RANGAP1: variants seen among roughly 807,000 people sequenced by gnomAD.
The protein encoded by RANGAP1 is Ran GTPase activating protein 1.
RANGAP1 carries 38 observed loss-of-function variants against 63.5 expected under a neutral mutation model. The observed-to-expected ratio is 0.60, with a 90% CI of 0.46 to 0.78. The LOEUF (loss-of-function observed/expected upper bound fraction) is 0.78. RANGAP1 is among the 30% of genes least tolerant of loss of function. The probability of loss-of-function intolerance (pLI) is 0.00; values close to 1 mark genes in which losing one functional copy is unlikely to be tolerated. For missense variants in RANGAP1, 630 were observed against 740.3 expected (o/e 0.85, Z 1.73); for synonymous variants, 329 against 310.5 (o/e 1.06, Z -0.63).
chr22:41,270,436 C>G (rs2034736764), intron 3 of RANGAP1, among the ~76,000 whole-genome samples: 1 of 152,198 alleles, frequency 6.6e-6, no homozygotes, highest in South Asian at 2.1e-4. Context: ...TGAGAGCCAC[C>G]ATGCCCAGCC....
intron 5 of RANGAP1, among the ~76,000 whole-genome samples, chr22:41,263,984 C>T (rs1462038802): frequency 6.6e-6 from 1 of 152,258 alleles, no homozygotes; most frequent in Non-Finnish European, 1.5e-5. Context: ...TAAGGTATTG[C>T]ATATTCAAAT....
chr22:41,252,953 G>A lies in RANGAP1; in HGVS notation c.1299C>T (p.Asp433=), dbSNP rs145401782. ...APVLSSPPPA[D]VSTFLAFPSP... The stretch of plus-strand genomic sequence containing the variant: ...AGGGAAAAGCCAGGAAGGTGGAGAC[G>A]TCTGCAGGAGGTGGGGAGGACAGCA... The change falls in exon 12 of 16, where the codon GAC becomes GAT. Residue 433 remains aspartate, a synonymous_variant. Transcript: ENST00000356244. 7 of 1,543,772 alleles carry A rather than the reference G, an allele frequency of 4.5e-6. No individual in the cohort carries two copies. The highest frequency in any genetic ancestry group is 2.9e-5 in the African/African-American group (2 of 70,008).
chr22:41,252,215 T>C (rs1396580440), intron 12 of RANGAP1, among the ~76,000 whole-genome samples: 1 of 151,886 alleles, frequency 6.6e-6, no homozygotes, highest in Non-Finnish European at 1.5e-5. Context: ...GGCAGGAGAA[T>C]TGCTTGAACC....
Position 41,256,096 on chromosome 22 carries a change from AG to A in RANGAP1, c.997del (p.Leu333TrpfsTer117). ...LEKLDLNGNT[L>X]GEEGCEQLQE... ...AAGCTGTTCACAGCCTTCTTCTCCC[AG>A]GGTGTTGCCTGCTCAAGGGGAGGGA... On this transcript the variant is annotated frameshift_variant, in exon 10 of 16. Transcript: ENST00000356244. LOFTEE classifies it high-confidence loss of function. 1.2e-6 allele frequency: 2 copies of A among 1,614,098 alleles called. No homozygotes were observed. Among genetic ancestry groups the A allele is most frequent in the Non-Finnish European group, 1.7e-6 (2 of 1,180,020 alleles).
intron 15 of RANGAP1, 97 bp from the exon 16 acceptor site, chr22:41,246,769 T>A: frequency 8.6e-7 from 1 of 1,160,082 alleles, no homozygotes; most frequent in South Asian, 1.3e-5. Context: ...TTTGTTAATT[T>A]GCACAACGAC....
upstream of RANGAP1, among the ~76,000 whole-genome samples, chr22:41,286,414 G>A (rs866297556): frequency 5.9e-5 from 9 of 152,230 alleles, no homozygotes; most frequent in African/African-American, 2.2e-4. Flanking sequence ...GCCCTCCCCT[G>A]GTGGCTTCTG....
chr22:41,302,268 G>A, the RANGAP1 span, among the ~76,000 whole-genome samples: 1 of 151,808 alleles, frequency 6.6e-6, no homozygotes, highest in South Asian at 2.1e-4. The surrounding 1 kb of genome is among the most constrained non-coding windows in gnomAD (Gnocchi z 5.7). Flanking sequence ...GAGGGGCCGC[G>A]GCGAGGGCCG....
At position 41,256,725 on chromosome 22, in the gene RANGAP1, G is replaced by A; in HGVS notation, c.874C>T (p.Leu292=). Reference sequence around the variant, plus strand: ...CAGGCTGGCACCTTTAGCTTGGGCAGGCCGCCGCGGATGGCATCTGCAATG... The same window carrying A: ...CAGGCTGGCACCTTTAGCTTGGGCAAGCCGCCGCGGATGGCATCTGCAATG... ...VAIADAIRGG[L]PKLKELNLSF... is the part of the protein sequence containing the mutation. The change falls in exon 8 of 16, where the codon CTG becomes TTG. Residue 292 remains leucine (L), a synonymous_variant. Transcript: ENST00000356244. The A allele has an allele frequency of 6.2e-7, 1 of 1,613,914 alleles. No individual in the cohort carries two copies. The highest frequency in any genetic ancestry group is 8.5e-7 in the Non-Finnish European group (1 of 1,179,992).
upstream of RANGAP1, among the ~76,000 whole-genome samples, chr22:41,290,456 C>T (rs8142351): frequency 6.6e-6 from 1 of 152,092 alleles, no homozygotes; most frequent in Non-Finnish European, 1.5e-5. Context: ...TCTCAAACTC[C>T]TGACTCAGGT....
intron 6 of RANGAP1, 113 bp from the exon 7 acceptor site, chr22:41,258,219 C>T: frequency 8.2e-7 from 1 of 1,225,582 alleles, no homozygotes; most frequent in Non-Finnish European, 1.1e-6. Context: ...CAGCACAGGG[C>T]AGGGGCCTGT....
the RANGAP1 span, among the ~76,000 whole-genome samples, chr22:41,293,393 C>T: frequency 1.5e-3 from 232 of 151,962 alleles, 1 homozygote; most frequent in African/African-American, 5.4e-3. Flanking sequence ...GCCTAGGCAA[C>T]GGAGGGAGAA....
At chr22:41,299,324 G>T in the RANGAP1 span, among the ~76,000 whole-genome samples, 178 of 152,076 alleles carry the variant, frequency 1.2e-3, no homozygotes, top group Non-Finnish European at 1.9e-3. Flanking sequence ...AGTAGAGATG[G>T]GGTTTCACCG....
rs1187969062 is a variant in RANGAP1, at chr22:41,244,844, C to T, written c.*1759G>A. ...AAGTACATTCACAATGTTATGCAACCATCACCACTCTCCATTTCCAGAACA... is the reference window on the plus strand; with the variant it reads ...AAGTACATTCACAATGTTATGCAACTATCACCACTCTCCATTTCCAGAACA... On this transcript the variant is annotated 3_prime_UTR_variant, in exon 16 of 16. Transcript: ENST00000356244. 2.0e-5 allele frequency among the ~76,000 whole-genome samples: 3 copies of T among 152,106 alleles called. No individual in the cohort carries two copies. Among genetic ancestry groups the T allele is most frequent in the Non-Finnish European group, 4.4e-5 (3 of 68,022 alleles).
In RANGAP1 at chr22:41,277,413, T is replaced by A. The variant is rs564765160; in HGVS notation, c.113-2686A>T. 1.0e-3 allele frequency: 1,197 copies of A among 1,141,324 alleles called. 21 individuals carry two copies. In the South Asian group the frequency reaches 0.012, roughly 11 times the overall value. 70.7% of individuals were successfully genotyped at this position (1,141,324 alleles called of 1,614,324 possible). A position where few individuals can be genotyped will look rare whatever the true frequency, so the allele number is the denominator to read the frequency against. Reference sequence around the variant, plus strand: ...ATATATTTTTTCCCTGTTCTTTGAATGTTTCTGTATTCTATAATAAACCTG... The same window carrying A: ...ATATATTTTTTCCCTGTTCTTTGAAAGTTTCTGTATTCTATAATAAACCTG... On this transcript the variant is annotated intron_variant, in intron 2 of 15. Transcript: ENST00000356244.
intron 1 of RANGAP1, among the ~76,000 whole-genome samples, chr22:41,282,932 A>C (rs528221219): frequency 1.6e-4 from 25 of 152,292 alleles, no homozygotes; most frequent in Middle Eastern, 3.4e-3. Context: ...GCCTCCTCCT[A>C]CAACCTCCTC....
intron 6 of RANGAP1, among the ~76,000 whole-genome samples, chr22:41,260,740 G>A (rs994427558): frequency 6.6e-6 from 1 of 152,108 alleles, no homozygotes; most frequent in African/African-American, 2.4e-5. Flanking sequence ...CCAGCTACTC[G>A]GGAGGCTGAG....
intron 11 of RANGAP1, among the ~76,000 whole-genome samples, chr22:41,253,286 A>G (rs2033598864): frequency 6.6e-6 from 1 of 152,212 alleles, no homozygotes; most frequent in Admixed American, 6.5e-5. Flanking sequence ...GCAGTGCCCC[A>G]GAAATGACTA....
intron 13 of RANGAP1, 80 bp downstream of exon 13, chr22:41,250,927 T>TA: frequency 8.2e-7 from 1 of 1,223,982 alleles, no homozygotes; most frequent in Non-Finnish European, 1.2e-6. Flanking sequence ...GCTGACGAGT[T>TA]ACGGCAACCA....
chr22:41,254,430 C>T lies in RANGAP1; in HGVS notation c.1138G>A (p.Glu380Lys). The change falls in exon 11 of 16, where the codon GAG becomes AAG. Residue 380 changes from glutamate (E) to lysine (K), a missense_variant. Transcript: ENST00000356244. ...TCCTCCTCTTCCTCATCTTCCTCCT[C>T]CTCTTCTTCTGCTTCCTCTTCTTCC... ...EEEEEEAEEEEEEDEEEEEEE... is the reference protein window; with the variant it reads ...EEEEEEAEEEKEEDEEEEEEE... The T allele has an allele frequency of 2.5e-6, 4 of 1,612,618 alleles. No homozygotes were observed. Among genetic ancestry groups the T allele is most frequent in the Non-Finnish European group, 3.4e-6 (4 of 1,179,252 alleles).
Sources: gnomAD v4.1 joint callset for allele counts (sites outside exome capture counted in the v4.1 genomes callset) on GRCh38, gnomAD v4.1.1 for gene constraint, Gnocchi (gnomAD v3.1) non-coding constraint, MANE v1.5 for transcripts, NCBI Gene and HGNC (gene_info 2026-07-23, HGNC 2026-07-21) for gene names.